MAEA: variants seen among roughly 807,000 people sequenced by gnomAD.
MAEA encodes the protein macrophage erythroblast attacher, E3 ubiquitin ligase.
In MAEA, 22 loss-of-function variants were observed where a neutral mutation model predicts 46.2. That is an observed-to-expected ratio of 0.48 (90% CI 0.34 to 0.68). The LOEUF (loss-of-function observed/expected upper bound fraction) is 0.68, where lower values mean the gene tolerates loss of function less well. Among genes scored for constraint, MAEA ranks in the 30% least tolerant of loss-of-function variants. The pLI, the probability that MAEA is intolerant of heterozygous loss-of-function variation, is 0.01. For synonymous variants in MAEA, 246 were observed against 222.6 expected, an observed-to-expected ratio of 1.11 and a Z score of -0.94; for missense variants, 393 against 558.1, an observed-to-expected ratio of 0.70 and a Z score of 2.98.
At chr4:1,292,054 A>G (rs1305369574) in intron 1 of MAEA, among the ~76,000 whole-genome samples, 2 of 152,332 alleles carry the variant, frequency 1.3e-5, no homozygotes, top group East Asian at 3.9e-4. Context: ...ACAGCTCAAG[A>G]GCTGCACTCT....
At chr4:1,326,646 T>G (rs1044323606) in intron 4 of MAEA, among the ~76,000 whole-genome samples, 28 of 138,662 alleles carry the variant, frequency 2.0e-4, no homozygotes, top group African/African-American at 6.6e-4. Flanking sequence ...GCCTCAGGCA[T>G]AGTGCCTTCA....
intron 1 of MAEA, among the ~76,000 whole-genome samples, chr4:1,293,517 A>G (rs935343070): frequency 1.3e-5 from 2 of 152,244 alleles, no homozygotes; most frequent in Admixed American, 6.5e-5. Flanking sequence ...GAAAAATAAT[A>G]GTTTAGAGAA....
chr4:1,327,758 C>A (rs1481752867), intron 5 of MAEA, 55 bp downstream of exon 5: 2 of 1,475,054 alleles, frequency 1.4e-6, no homozygotes, highest in Non-Finnish European at 1.9e-6. Flanking sequence ...TCGGCTGCGG[C>A]CCCTGCCAGC....
At chr4:1,324,721 G>A (rs1244206817) in intron 4 of MAEA, among the ~76,000 whole-genome samples, 1 of 112,024 alleles carries the variant, frequency 8.9e-6, no homozygotes, top group Non-Finnish European at 1.7e-5. Context: ...GTGGATGAGT[G>A]TGTCTGGTGT....
At chr4:1,333,329 G>A (rs1307215252) in intron 6 of MAEA, among the ~76,000 whole-genome samples, 3 of 151,642 alleles carry the variant, frequency 2.0e-5, no homozygotes, top group African/African-American at 7.3e-5. Context: ...TGACAGAGCA[G>A]GACCTTGTCT....
At chr4:1,338,960 C>A in intron 8 of MAEA, 114 bp from the exon 9 acceptor site, 1 of 900,428 alleles carries the variant, frequency 1.1e-6, no homozygotes, top group South Asian at 1.4e-5. Context: ...CGGGAAGGAA[C>A]TTTGCCTGAG....
At chr4:1,291,860 A>G (rs1020935412) in intron 1 of MAEA, among the ~76,000 whole-genome samples, 1 of 152,210 alleles carries the variant, frequency 6.6e-6, no homozygotes, top group Non-Finnish European at 1.5e-5. Context: ...CATACAGGTA[A>G]AGAAATATTA....
At chr4:1,336,719 C>A in intron 6 of MAEA, 142 bp from the exon 7 acceptor site, 1 of 688,580 alleles carries the variant, frequency 1.5e-6, no homozygotes, top group Non-Finnish European at 2.4e-6. Context: ...ATGCTTTGTG[C>A]TGACCCTTAG....
In MAEA at chr4:1,337,117, G is replaced by A. The variant is rs551289042; in HGVS notation, c.899+123G>A. ...CCACCACAGACAGCCCCGAGCTCCC[G>A]TGTGCTGCACTTGCGTGGTGTCTGG... is the stretch of plus-strand genomic sequence containing the variant. On this transcript the variant is annotated intron_variant, in intron 7 of 8. Transcript: ENST00000303400. The A allele has an allele frequency of 8.1e-6, 10 of 1,239,276 alleles. No individual in the cohort carries two copies. The East Asian group carries it at 1.2e-4, about 15-fold the overall frequency. 76.8% of individuals were successfully genotyped at this position (1,239,276 alleles called of 1,614,324 possible). A position where few individuals can be genotyped will look rare whatever the true frequency, so the allele number is the denominator to read the frequency against.
At chr4:1,300,353 G>GTTTTTTTT (rs1735194215) in intron 1 of MAEA, among the ~76,000 whole-genome samples, 1 of 152,236 alleles carries the variant, frequency 6.6e-6, no homozygotes, top group Non-Finnish European at 1.5e-5. Flanking sequence ...CACCAAGAAG[G>GTTTTTTTT]GCTGGGCCTT....
chr4:1,319,313 A>G (rs1452238689), intron 3 of MAEA, among the ~76,000 whole-genome samples: 1 of 151,924 alleles, frequency 6.6e-6, no homozygotes, highest in Non-Finnish European at 1.5e-5. Context: ...AGATTGCACC[A>G]CTGCACTCCA....
rs758889399 is a variant in MAEA, at chr4:1,315,597, C to A, written c.453C>A (p.Ile151=). The part of the protein sequence containing the change: ...TAVKLARQSG[I]EDLVNIEMFL... ...TCAAGCTGGCGCGCCAGAGCGGCAT[C>A]GAGGTGGGTGCCCGCCAGACGCAGG... The change falls in exon 3 of 9, where the codon ATC becomes ATA. Residue 151 remains isoleucine (I), a synonymous_variant. Coordinates refer to ENST00000303400, the MANE Select transcript of MAEA (RefSeq NM_001017405.3). The A allele has an allele frequency of 6.2e-7, 1 of 1,612,734 alleles. No individual in the cohort carries two copies. Among genetic ancestry groups the A allele is most frequent in the Non-Finnish European group, 8.5e-7 (1 of 1,179,624 alleles).
chr4:1,313,435 AAGAAC>A (rs947633601), intron 2 of MAEA, among the ~76,000 whole-genome samples: 1 of 152,200 alleles, frequency 6.6e-6, no homozygotes, highest in Admixed American at 6.5e-5. Flanking sequence ...ACTGTGCTTA[AAGAAC>A]AGAAGCAGGC....
At chr4:1,298,476 G>T (rs574996235) in intron 1 of MAEA, among the ~76,000 whole-genome samples, 1 of 152,216 alleles carries the variant, frequency 6.6e-6, no homozygotes, top group Non-Finnish European at 1.5e-5. Flanking sequence ...GGTCCCCTCT[G>T]TCTGAGCCAG....
chr4:1,297,498 G>A (rs571027441), intron 1 of MAEA, among the ~76,000 whole-genome samples: 2 of 136,034 alleles, frequency 1.5e-5, no homozygotes, highest in East Asian at 2.0e-4. Context: ...GAGAGAGCAC[G>A]CGCTTGAGTG....
chr4:1,319,971 G>T (rs1379496995), intron 3 of MAEA, among the ~76,000 whole-genome samples: 2 of 150,336 alleles, frequency 1.3e-5, no homozygotes, highest in African/African-American at 5.0e-5. Flanking sequence ...ACGCTATGAA[G>T]GGGCTTCAGA....
In MAEA at chr4:1,311,433, TG is replaced by T. The variant is rs1736493286; in HGVS notation, c.70-542del. ...ACAGGGAATGGATGGTTCTTACGACTGGGGAAGGCAAACGCTGTCACACAGG... is the reference window on the plus strand; with the variant it reads ...ACAGGGAATGGATGGTTCTTACGACTGGGAAGGCAAACGCTGTCACACAGG... On this transcript the variant is annotated intron_variant, in intron 1 of 8. Coordinates refer to ENST00000303400, the MANE Select transcript of MAEA (RefSeq NM_001017405.3). This position sits in a 1 kb window ranked among gnomAD's most constrained non-coding sequence, Gnocchi z 4.4. 6.6e-6 allele frequency among the ~76,000 whole-genome samples: 1 copy of T among 152,338 alleles called. No homozygotes were observed. The highest frequency in any genetic ancestry group is 2.4e-5 in the African/African-American group (1 of 41,576).
At chr4:1,318,216 G>A (rs1037379715) in intron 3 of MAEA, among the ~76,000 whole-genome samples, 7 of 152,198 alleles carry the variant, frequency 4.6e-5, no homozygotes, top group African/African-American at 9.7e-5. Context: ...TCTCCTAAAC[G>A]CCCAGCACAC....
Position 1,311,760 on chromosome 4 carries a change from T to C in MAEA, c.70-219T>C, listed in dbSNP as rs1736533754. Among the ~76,000 whole-genome samples, 1 of 152,210 alleles carries C rather than the reference T, an allele frequency of 6.6e-6. No individual in the cohort carries two copies. Among genetic ancestry groups the C allele is most frequent in the Non-Finnish European group, 1.5e-5 (1 of 68,034 alleles). ...ACACGTACAATGTTTTTGGCAAAAA[T>C]TGGGGTTGCTTCTCATCCAGGGATG... On this transcript the variant is annotated intron_variant, in intron 1 of 8. Transcript: ENST00000303400. The surrounding 1 kb of genome is among the most constrained non-coding windows in gnomAD (Gnocchi z 4.4).
Sources: gnomAD v4.1 joint callset for allele counts (sites outside exome capture counted in the v4.1 genomes callset) on GRCh38, gnomAD v4.1.1 for gene constraint, Gnocchi (gnomAD v3.1) non-coding constraint, MANE v1.5 for transcripts, NCBI Gene and HGNC (gene_info 2026-07-23, HGNC 2026-07-21) for gene names.